The following CACNA2D1 variants were observed in gnomAD, a reference collection of about 807,000 sequenced individuals.
CACNA2D1 encodes the protein calcium voltage-gated channel auxiliary subunit alpha2delta 1, also known as voltage-dependent calcium channel subunit alpha-2/delta-1.
Under a neutral mutation model 171.5 loss-of-function variants are expected in CACNA2D1, and 53 were observed. That is an observed-to-expected ratio of 0.31 (90% CI 0.25 to 0.39). The LOEUF (loss-of-function observed/expected upper bound fraction) is 0.39, where lower values mean the gene tolerates loss of function less well. Among genes scored for constraint, CACNA2D1 ranks in the 10% least tolerant of loss-of-function variants. The pLI, the probability that CACNA2D1 is intolerant of heterozygous loss-of-function variation, is 1.00. For synonymous variants in CACNA2D1, 442 were observed against 443.1 expected, an observed-to-expected ratio of 1.00 and a Z score of 0.03; for missense variants, 903 against 1,299.8, an observed-to-expected ratio of 0.69 and a Z score of 4.69.
intron 3 of CACNA2D1, among the ~76,000 whole-genome samples, chr7:82,317,526 C>A (rs1815269768): frequency 6.6e-6 from 1 of 152,118 alleles, no homozygotes; most frequent in Non-Finnish European, 1.5e-5. Context: ...TAAGGAGGAG[C>A]AGCTGAGAAT....
chr7:82,061,278 A>T (rs1584593946), intron 9 of CACNA2D1, among the ~76,000 whole-genome samples: 1 of 152,036 alleles, frequency 6.6e-6, no homozygotes, highest in East Asian at 1.9e-4. Flanking sequence ...TTCCCTCTCA[A>T]CCTTCCTGTG....
At chr7:82,106,897 A>G (rs1787827013) in intron 6 of CACNA2D1, among the ~76,000 whole-genome samples, 2 of 152,192 alleles carry the variant, frequency 1.3e-5, no homozygotes, top group Non-Finnish European at 2.9e-5. Context: ...GATAGAAAAC[A>G]TGGGTTCAAT....
chr7:82,309,284 T>C (rs1303083812), intron 3 of CACNA2D1, among the ~76,000 whole-genome samples: 1 of 152,038 alleles, frequency 6.6e-6, no homozygotes, highest in East Asian at 1.9e-4. Flanking sequence ...TGGATGCCTG[T>C]AATCCCAGCA....
At chr7:82,394,543 C>A (rs898618562) in intron 1 of CACNA2D1, among the ~76,000 whole-genome samples, 1 of 152,132 alleles carries the variant, frequency 6.6e-6, no homozygotes, top group Admixed American at 6.6e-5. Context: ...GCTTCAAAGA[C>A]ATTTTTTGAG....
chr7:81,965,504 C>T lies in CACNA2D1; in HGVS notation c.2574+90G>A, dbSNP rs531010823. On this transcript the variant is annotated intron_variant, in intron 32 of 38. Coordinates refer to ENST00000356860, the MANE Select transcript of CACNA2D1 (RefSeq NM_000722.4). ...GTATGACAGAAATAAAACAACTCAT[C>T]GATTTCTAAAACACTGAAAGAGGTT... 1.7e-4 allele frequency: 133 copies of T among 784,628 alleles called. 2 individuals are homozygous for T. In the South Asian group the frequency reaches 1.7e-3, roughly 10 times the overall value. 48.6% of individuals were successfully genotyped at this position (784,628 alleles called of 1,614,324 possible).
intron 3 of CACNA2D1, among the ~76,000 whole-genome samples, chr7:82,249,433 T>C (rs1311407636): frequency 1.3e-5 from 2 of 152,128 alleles, no homozygotes; most frequent in African/African-American, 4.8e-5. Flanking sequence ...AAAGCAAATG[T>C]AGGGAACAAA....
chr7:82,258,348 A>G (rs1238780846), intron 3 of CACNA2D1, among the ~76,000 whole-genome samples: 1 of 152,168 alleles, frequency 6.6e-6, no homozygotes, highest in African/African-American at 2.4e-5. Context: ...CAGCCAAATA[A>G]ATAGTTCCTT....
At chr7:82,225,002 C>G (rs1802201068) in intron 3 of CACNA2D1, among the ~76,000 whole-genome samples, 1 of 152,162 alleles carries the variant, frequency 6.6e-6, no homozygotes, top group South Asian at 2.1e-4. Flanking sequence ...CTATCATTCT[C>G]TTTCTCTCTC....
chr7:82,234,805 C>T (rs923237131), intron 3 of CACNA2D1, among the ~76,000 whole-genome samples: 4 of 152,150 alleles, frequency 2.6e-5, no homozygotes, highest in African/African-American at 7.2e-5. Context: ...CATGGGTTTT[C>T]CCCATACATG....
intron 3 of CACNA2D1, among the ~76,000 whole-genome samples, chr7:82,312,026 G>A (rs2129433346): frequency 6.6e-6 from 1 of 152,164 alleles, no homozygotes; most frequent in Admixed American, 6.5e-5. Context: ...CTTTGGCTTG[G>A]CTCTAAACCT....
chr7:82,312,719 A>G (rs1814631460), intron 3 of CACNA2D1, among the ~76,000 whole-genome samples: 1 of 150,960 alleles, frequency 6.6e-6, no homozygotes, highest in African/African-American at 2.4e-5. Context: ...TTTTTAGTAC[A>G]GATAGTGTTT....
rs369289087 is a variant in CACNA2D1 at position 82,029,378 on chromosome 7, G to A, written c.1143+3419C>T. On this transcript the variant is annotated intron_variant, in intron 12 of 38. Transcript: ENST00000356860. ...TACACAATGGGAAAACAAAAAACTT[G>A]TGTGACTCACTTAATTGCAATTTTC... 1.5e-3 allele frequency: 229 copies of A among 151,768 alleles called. 4 individuals carry two copies. The highest frequency in any genetic ancestry group is 5.4e-3 in the African/African-American group (224 of 41,474). The allele number at this position is 151,768 out of a possible 1,614,324, so 9.4% of individuals were successfully genotyped here.
At chr7:82,128,691 T>C (rs1563089054) in intron 5 of CACNA2D1, among the ~76,000 whole-genome samples, 1 of 152,162 alleles carries the variant, frequency 6.6e-6, no homozygotes, top group African/African-American at 2.4e-5. Context: ...GAAAGAACAG[T>C]AGAAATCAGG....
At chr7:82,097,236 G>A (rs1811999326) in intron 6 of CACNA2D1, among the ~76,000 whole-genome samples, 1 of 152,122 alleles carries the variant, frequency 6.6e-6, no homozygotes, top group Non-Finnish European at 1.5e-5. Context: ...GATGTTATTA[G>A]AGAGACATGA....
chr7:81,974,591 C>T, intron 24 of CACNA2D1, 39 bp from the exon 25 acceptor site: 1 of 1,041,162 alleles, frequency 9.6e-7, no homozygotes, highest in Non-Finnish European at 1.5e-6. Context: ...ATATTAAAAT[C>T]AAAACTTTAC....
chr7:82,018,296 C>A (rs1800754790), intron 12 of CACNA2D1, among the ~76,000 whole-genome samples: 1 of 152,046 alleles, frequency 6.6e-6, no homozygotes, highest in African/African-American at 2.4e-5. Flanking sequence ...TAAATGAAAA[C>A]AAATGTTTGT....
At chr7:82,303,523 C>T (rs1813321405) in intron 3 of CACNA2D1, among the ~76,000 whole-genome samples, 1 of 148,724 alleles carries the variant, frequency 6.7e-6, no homozygotes, top group African/African-American at 2.5e-5. Flanking sequence ...GGCATCAGTA[C>T]CTGACTTCAA....
intron 11 of CACNA2D1, among the ~76,000 whole-genome samples, chr7:82,034,649 G>T: frequency 6.6e-6 from 1 of 151,902 alleles, no homozygotes; most frequent in East Asian, 1.9e-4. Context: ...CTAGTGATTT[G>T]TCTTTTTTAT....
chr7:82,169,326 T>C (rs527464335), intron 4 of CACNA2D1, among the ~76,000 whole-genome samples: 1 of 152,136 alleles, frequency 6.6e-6, no homozygotes, highest in Non-Finnish European at 1.5e-5. Flanking sequence ...ATAAAGGTTG[T>C]AGACAAAGCC....
Sources: allele counts gnomAD v4.1 joint callset (sites outside exome capture counted in the v4.1 genomes callset), GRCh38; gene constraint gnomAD v4.1.1; transcripts MANE v1.5; gene names NCBI Gene and HGNC (gene_info 2026-07-23, HGNC 2026-07-21).